Variants in TDRD9 observed in about 807,000 individuals in gnomAD.
The protein encoded by TDRD9 is tudor domain containing 9.
Under a neutral mutation model 172.6 loss-of-function variants are expected in TDRD9, and 124 were observed. The observed-to-expected ratio is 0.72, with a 90% CI of 0.62 to 0.83. The LOEUF is 0.83. Among genes scored for constraint, TDRD9 ranks in the 40% least tolerant of loss-of-function variants. The pLI, the probability that TDRD9 is intolerant of heterozygous loss-of-function variation, is 0.00. For missense variants in TDRD9, 1,479 were observed against 1,714.1 expected (o/e 0.86, Z 2.42); for synonymous variants, 619 against 617.1 (o/e 1.00, Z -0.05).
chr14:104,049,475 G>T, intron 34 of TDRD9, 133 bp from the exon 35 acceptor site: 1 of 656,636 alleles, frequency 1.5e-6, no homozygotes. Context: ...CTGCATAAAT[G>T]TTGACCTTTA....
At chr14:104,002,921 G>C (rs1738865428) in intron 13 of TDRD9, among the ~76,000 whole-genome samples, 1 of 151,938 alleles carries the variant, frequency 6.6e-6, no homozygotes, top group Admixed American at 6.6e-5. Context: ...AGTAGAGACA[G>C]GGTTTCACCA....
chr14:104,023,156 C>T (rs1433840458), intron 24 of TDRD9, among the ~76,000 whole-genome samples: 1 of 131,762 alleles, frequency 7.6e-6, no homozygotes, highest in Non-Finnish European at 1.5e-5. Flanking sequence ...CTGCACTCCA[C>T]CCTGGGCGAC....
intron 32 of TDRD9, among the ~76,000 whole-genome samples, chr14:104,036,302 C>T (rs557550146): frequency 1.1e-4 from 17 of 152,230 alleles, no homozygotes; most frequent in African/African-American, 3.6e-4. Flanking sequence ...TGTTTCTGAG[C>T]GGCTCTTGTC....
intron 2 of TDRD9, among the ~76,000 whole-genome samples, chr14:103,958,724 C>G (rs559974870): frequency 6.6e-6 from 1 of 152,332 alleles, no homozygotes; most frequent in African/African-American, 2.4e-5. Flanking sequence ...TACAGAGCCT[C>G]CGGAAGGATC....
chr14:104,042,080 C>T lies in TDRD9; in HGVS notation c.3867C>T (p.Leu1289=), dbSNP rs1164899160. 6.2e-7 allele frequency: 1 copy of T among 1,608,096 alleles called. No homozygotes were observed. Among genetic ancestry groups the T allele is most frequent in the South Asian group, 1.1e-5 (1 of 90,898 alleles). The change falls in exon 34 of 36, where the codon CTC becomes CTT. Residue 1289 remains leucine, a synonymous_variant. Transcript: ENST00000409874. ...CTGTTCATTTACAGGTTAATATTCT[C>T]AGGGCTGCTATTAACAAGCTAGTCT... The part of the protein sequence containing the change: ...SVEDVVEVNI[L]RAAINKLVCD...
At chr14:103,985,727 A>G (rs939095358) in intron 7 of TDRD9, among the ~76,000 whole-genome samples, 26 of 152,298 alleles carry the variant, frequency 1.7e-4, no homozygotes, top group African/African-American at 5.5e-4. Context: ...ATCACCACAC[A>G]TTGGTAGATA....
intron 2 of TDRD9, among the ~76,000 whole-genome samples, chr14:103,958,308 G>T (rs1386267559): frequency 1.3e-5 from 2 of 152,158 alleles, no homozygotes; most frequent in African/African-American, 4.8e-5. Flanking sequence ...TGCAGGGAGG[G>T]AAATGTGTGC....
intron 8 of TDRD9, among the ~76,000 whole-genome samples, chr14:103,989,340 A>G (rs2033786884): frequency 6.6e-6 from 1 of 152,216 alleles, no homozygotes; most frequent in Non-Finnish European, 1.5e-5. Flanking sequence ...GGACTGGGAC[A>G]ATAATTGAGC....
chr14:103,951,670 A>G (rs1463190483), intron 1 of TDRD9, among the ~76,000 whole-genome samples: 1 of 152,230 alleles, frequency 6.6e-6, no homozygotes, highest in African/African-American at 2.4e-5. Context: ...GTTCTCATTA[A>G]ACACCAGTTA....
chr14:103,986,718 CCTT>C (rs1161839960), intron 8 of TDRD9, among the ~76,000 whole-genome samples: 5 of 152,212 alleles, frequency 3.3e-5, no homozygotes, highest in Non-Finnish European at 2.9e-5. Flanking sequence ...TAAGCAATCT[CCTT>C]CTGTAATCCA....
intron 1 of TDRD9, among the ~76,000 whole-genome samples, chr14:103,933,807 G>A (rs988258567): frequency 1.3e-5 from 2 of 152,182 alleles, no homozygotes; most frequent in African/African-American, 4.8e-5. Flanking sequence ...GAGCCGTCTC[G>A]GCCCTTCTGA....
chr14:104,033,800 A>G (rs2035359526), intron 30 of TDRD9, among the ~76,000 whole-genome samples, 160 bp from the exon 31 acceptor site: 2 of 152,162 alleles, frequency 1.3e-5, no homozygotes, highest in African/African-American at 4.8e-5. Flanking sequence ...GTGGTCCAGT[A>G]AAAGGAGATG....
At chr14:104,021,004 C>T (rs534014469) in intron 23 of TDRD9, among the ~76,000 whole-genome samples, 29 of 152,050 alleles carry the variant, frequency 1.9e-4, no homozygotes, top group Middle Eastern at 6.8e-3. Flanking sequence ...TCTGTTCTCT[C>T]GGTGCTATAA....
intron 13 of TDRD9, among the ~76,000 whole-genome samples, chr14:104,000,466 C>T (rs2152211310): frequency 6.6e-6 from 1 of 151,794 alleles, no homozygotes; most frequent in South Asian, 2.1e-4. Flanking sequence ...TCCCCTCAAA[C>T]TTTCTAAAAA....
intron 20 of TDRD9, among the ~76,000 whole-genome samples, chr14:104,011,112 C>T (rs548141337): frequency 1.7e-4 from 26 of 152,320 alleles, no homozygotes; most frequent in African/African-American, 6.3e-4. Context: ...TATGGGTCCA[C>T]AGTTCTATAC....
At position 104,021,673 on chromosome 14, in the gene TDRD9, A is replaced by G. The variant is rs941381909; in HGVS notation, c.2433-484A>G. ...ACATCCCTGCACTGGCGACAGAGCG[A>G]GACTCCATCTCAAAAAAATAAATAA... On this transcript the variant is annotated intron_variant, in intron 23 of 35. Transcript: ENST00000409874. Among the ~76,000 whole-genome samples the G allele has an allele frequency of 5.3e-5, 8 of 152,318 alleles. No individual in the cohort carries two copies. The East Asian group carries it at 1.5e-3, about 29-fold the overall frequency.
intron 7 of TDRD9, among the ~76,000 whole-genome samples, chr14:103,985,149 A>T (rs1043187908): frequency 2.6e-5 from 4 of 152,174 alleles, no homozygotes; most frequent in Non-Finnish European, 5.9e-5. Context: ...GAAATGAGTT[A>T]AGACTTTGTG....
intron 1 of TDRD9, among the ~76,000 whole-genome samples, chr14:103,950,900 AT>A (rs2031839826): frequency 6.6e-6 from 1 of 152,174 alleles, no homozygotes; most frequent in Admixed American, 6.5e-5. Context: ...CTAAAAGAAT[AT>A]TTCTCCAAGG....
intron 34 of TDRD9, among the ~76,000 whole-genome samples, chr14:104,047,803 A>G (rs2035825858): frequency 6.6e-6 from 1 of 152,188 alleles, no homozygotes; most frequent in Non-Finnish European, 1.5e-5. Flanking sequence ...TGGATGCGGT[A>G]CAGAGAATTT....
Sources: gnomAD v4.1 joint callset for allele counts (sites outside exome capture counted in the v4.1 genomes callset) on GRCh38, gnomAD v4.1.1 for gene constraint, MANE v1.5 for transcripts, NCBI Gene and HGNC (gene_info 2026-07-23, HGNC 2026-07-21) for gene names.